The following MEGF11 variants were observed in gnomAD, a reference collection of about 807,000 sequenced individuals.
The protein encoded by MEGF11 is multiple epidermal growth factor-like domains protein 11.
A neutral mutation model predicts 146.6 loss-of-function variants in MEGF11; 126 were observed. The observed-to-expected ratio is 0.86, with a 90% CI of 0.74 to 1.00. The LOEUF (loss-of-function observed/expected upper bound fraction) is 1.00, where lower values mean the gene tolerates loss of function less well. MEGF11 is among the 50% of genes least tolerant of loss of function. The pLI is 0.00. For missense variants in MEGF11, 1,509 were observed against 1,521.2 expected, an observed-to-expected ratio of 0.99 and a Z score of 0.13; for synonymous variants, 532 against 583.4, an observed-to-expected ratio of 0.91 and a Z score of 1.27.
intron 5 of MEGF11, among the ~76,000 whole-genome samples, chr15:66,057,491 A>G (rs560001714): frequency 3.9e-5 from 6 of 152,262 alleles, no homozygotes; most frequent in East Asian, 3.9e-4. Flanking sequence ...TGTAAACTCA[A>G]ATTAGGTCTC....
At chr15:66,107,117 GC>G (rs1379464141) in intron 4 of MEGF11, among the ~76,000 whole-genome samples, 2 of 151,922 alleles carry the variant, frequency 1.3e-5, no homozygotes, top group African/African-American at 4.8e-5. Context: ...GAGGGACCCT[GC>G]TCCTAGGCTC....
intron 5 of MEGF11, among the ~76,000 whole-genome samples, chr15:65,987,052 C>CT (rs2081887820): frequency 6.6e-6 from 1 of 152,084 alleles, no homozygotes; most frequent in Non-Finnish European, 1.5e-5. Flanking sequence ...AACTCACCCC[C>CT]TTCCCCTGCT....
At chr15:66,056,411 T>C (rs1191078497) in intron 5 of MEGF11, among the ~76,000 whole-genome samples, 2 of 152,186 alleles carry the variant, frequency 1.3e-5, no homozygotes, top group East Asian at 3.9e-4. Flanking sequence ...AATGTAGATA[T>C]AGTGCTCAGC....
At chr15:66,024,029 A>G (rs1249715692) in intron 5 of MEGF11, among the ~76,000 whole-genome samples, 1 of 152,148 alleles carries the variant, frequency 6.6e-6, no homozygotes, top group Non-Finnish European at 1.5e-5. Flanking sequence ...CACCAGCAGA[A>G]ACCAGGTGGG....
At chr15:66,001,247 G>A (rs1355014209) in intron 5 of MEGF11, among the ~76,000 whole-genome samples, 3 of 152,128 alleles carry the variant, frequency 2.0e-5, no homozygotes, top group Admixed American at 2.0e-4. Context: ...CCCCACGAAA[G>A]TTTCTCTGTG....
intron 5 of MEGF11, among the ~76,000 whole-genome samples, chr15:66,090,220 A>AAGGGC (rs71139463): frequency 1.3e-5 from 2 of 151,880 alleles, no homozygotes; most frequent in Non-Finnish European, 2.9e-5. Context: ...GGCAGCCACA[A>AAGGGC]AGGGCAGGGC....
chr15:66,093,407 A>ATT (rs1171221861), intron 5 of MEGF11, among the ~76,000 whole-genome samples: 3 of 152,196 alleles, frequency 2.0e-5, no homozygotes, highest in Non-Finnish European at 2.9e-5. Flanking sequence ...AGTTTTCATG[A>ATT]CTATGGTAGT....
intron 10 of MEGF11, among the ~76,000 whole-genome samples, chr15:65,947,913 A>G (rs531345913): frequency 6.6e-6 from 1 of 152,348 alleles, no homozygotes; most frequent in South Asian, 2.1e-4. Flanking sequence ...CAGGAACATG[A>G]CAGCAAGAGG....
At chr15:66,154,240 C>A (rs1034139873) in intron 1 of MEGF11, among the ~76,000 whole-genome samples, 8 of 152,214 alleles carry the variant, frequency 5.3e-5, no homozygotes, top group Admixed American at 3.9e-4. Context: ...AGCAATTTTC[C>A]ACATCAGTAG....
intron 5 of MEGF11, among the ~76,000 whole-genome samples, chr15:66,066,953 G>T (rs2085155345): frequency 6.6e-6 from 1 of 152,220 alleles, no homozygotes; most frequent in Admixed American, 6.5e-5. Context: ...CCGTGTGAGG[G>T]TGGAGCGTGG....
chr15:66,066,477 C>T (rs1175816071), intron 5 of MEGF11, among the ~76,000 whole-genome samples: 1 of 152,256 alleles, frequency 6.6e-6, no homozygotes, highest in African/African-American at 2.4e-5. Context: ...AAACAACAAA[C>T]ATCAGCATGT....
intron 1 of MEGF11, among the ~76,000 whole-genome samples, chr15:66,138,495 C>T (rs1312228776): frequency 6.6e-6 from 1 of 152,164 alleles, no homozygotes; most frequent in Admixed American, 6.5e-5. Flanking sequence ...ATTTTTAAAG[C>T]AATTTATTGA....
intron 5 of MEGF11, among the ~76,000 whole-genome samples, chr15:66,049,940 G>A (rs755922823): frequency 1.3e-5 from 2 of 152,168 alleles, no homozygotes; most frequent in Non-Finnish European, 2.9e-5. Flanking sequence ...ATTCATTCAA[G>A]CAACTAATAT....
intron 13 of MEGF11, among the ~76,000 whole-genome samples, chr15:65,925,786 T>C (rs2079352510): frequency 6.6e-6 from 1 of 152,168 alleles, no homozygotes; most frequent in Admixed American, 6.5e-5. Flanking sequence ...GTGAAGCCAG[T>C]AGCCACTCAG....
intron 1 of MEGF11, among the ~76,000 whole-genome samples, chr15:66,196,124 T>G (rs2091003667): frequency 6.6e-6 from 1 of 152,032 alleles, no homozygotes; most frequent in African/African-American, 2.4e-5. Flanking sequence ...GGAGAACCAG[T>G]GCTGGGAGAT....
chr15:66,156,419 T>C (rs950776077), intron 1 of MEGF11, among the ~76,000 whole-genome samples: 3 of 151,884 alleles, frequency 2.0e-5, no homozygotes. Flanking sequence ...ACCTGGTGGG[T>C]CATCGGTCCC....
intron 5 of MEGF11, among the ~76,000 whole-genome samples, chr15:66,025,811 C>T (rs1640860625): frequency 6.6e-6 from 1 of 152,160 alleles, no homozygotes; most frequent in Non-Finnish European, 1.5e-5. Flanking sequence ...GACCTGCTTC[C>T]CAAGCTCTGG....
At chr15:66,070,561 T>C (rs1249931184) in intron 5 of MEGF11, among the ~76,000 whole-genome samples, 3 of 152,242 alleles carry the variant, frequency 2.0e-5, no homozygotes, top group African/African-American at 7.2e-5. Context: ...AGAGGCTGGC[T>C]CTGGTGGTGG....
At position 65,922,862 on chromosome 15, in the gene MEGF11, C is replaced by T. The variant is rs779655844; in HGVS notation, c.1783G>A (p.Glu595Lys). The T allele has an allele frequency of 5.5e-5, 89 of 1,613,662 alleles. 1 individual carries two copies. The East Asian group carries it at 1.8e-3, about 33-fold the overall frequency. The change falls in exon 14 of 26, where the codon GAG becomes AAG. Residue 595 changes from glutamate to lysine, a missense_variant. Transcript: ENST00000395614. ...GGTCCTCGGAAGCCAGGGGCACACT[C>T]GCAGCTCCCATCCTCTGGGGAGCAG... ...GSCSPEDGSC[E>K]CAPGFRGPLC...
Sources: gnomAD v4.1 joint callset for allele counts (sites outside exome capture counted in the v4.1 genomes callset) on GRCh38, gnomAD v4.1.1 for gene constraint, MANE v1.5 for transcripts, NCBI Gene and HGNC (gene_info 2026-07-23, HGNC 2026-07-21) for gene names.